Variants in ARMC3 observed in about 807,000 individuals in gnomAD.
The protein encoded by ARMC3 is armadillo repeat containing 3.
Under a neutral mutation model 90.3 loss-of-function variants are expected in ARMC3, and 74 were observed. That is an observed-to-expected ratio of 0.82 (90% confidence interval 0.68 to 0.99). The LOEUF (loss-of-function observed/expected upper bound fraction) is 0.99. Ranked by LOEUF, ARMC3 falls within the 50% of genes least tolerant of loss-of-function variation. ARMC3 has a pLI of 0.00. For missense variants in ARMC3, 958 were observed against 1,042.8 expected (o/e 0.92, Z 1.12); for synonymous variants, 334 against 361.8 (o/e 0.92, Z 0.87).
chr10:22,986,742 C>T (rs1180828402), intron 10 of ARMC3, among the ~76,000 whole-genome samples: 1 of 152,070 alleles, frequency 6.6e-6, no homozygotes, highest in Non-Finnish European at 1.5e-5. Context: ...TTTTATATAA[C>T]TTGGAAAACA....
At chr10:23,012,908 G>A (rs77342446) in intron 16 of ARMC3, among the ~76,000 whole-genome samples, 2 of 73,060 alleles carry the variant, frequency 2.7e-5, no homozygotes, top group Non-Finnish European at 5.1e-5. Context: ...TTTTTTTTTT[G>A]AGACAGAGTC....
chr10:22,999,696 G>A (rs183167903), intron 11 of ARMC3, among the ~76,000 whole-genome samples: 73 of 152,316 alleles, frequency 4.8e-4, no homozygotes, highest in Admixed American at 3.2e-3. Context: ...GGTAAGTGGC[G>A]AGTCAGGGAT....
At chr10:23,029,210 G>T (rs1473387126) in intron 16 of ARMC3, among the ~76,000 whole-genome samples, 2 of 152,140 alleles carry the variant, frequency 1.3e-5, no homozygotes, top group Non-Finnish European at 2.9e-5. Context: ...ATCTTCTTGA[G>T]CTTTCTCTGT....
At chr10:22,981,737 G>A (rs769630863) in intron 10 of ARMC3, 37 bp downstream of exon 10, 2 of 1,535,568 alleles carry the variant, frequency 1.3e-6, no homozygotes, top group Non-Finnish European at 1.8e-6. Context: ...CTGACTTGTG[G>A]GACAATTCAC....
intron 8 of ARMC3, among the ~76,000 whole-genome samples, chr10:22,969,750 A>C (rs1031925909): frequency 2.6e-5 from 4 of 152,212 alleles, no homozygotes; most frequent in African/African-American, 7.2e-5. Context: ...GAGAAGTAAA[A>C]TGGGGAGACA....
In ARMC3 at chr10:22,981,386, T is replaced by C; in HGVS notation, c.963T>C (p.Leu321=). ...ATGAACAAGAGGTTGAAAAGTGCCTTGTAGCCCTTTTGGGTTCTGAAAATG... is the reference window on the plus strand; with the variant it reads ...ATGAACAAGAGGTTGAAAAGTGCCTCGTAGCCCTTTTGGGTTCTGAAAATG... The part of the protein sequence containing the change: ...LFHEQEVEKC[L]VALLGSENDG... Residue 321 remains leucine (L), a synonymous_variant, in exon 9 of 19, where the codon CTT becomes CTC. Transcript: ENST00000298032. 1 of 1,613,836 alleles carries C rather than the reference T, an allele frequency of 6.2e-7. No individual in the cohort carries two copies. Among genetic ancestry groups the C allele is most frequent in the Non-Finnish European group, 8.5e-7 (1 of 1,179,896 alleles).
At chr10:22,955,194 G>T (rs1834880666) in intron 3 of ARMC3, 1 of 152,286 alleles carries the variant, frequency 6.6e-6, no homozygotes, top group Admixed American at 6.5e-5. Context: ...GAACACCCTT[G>T]CAGACACACC....
chr10:22,982,924 C>A (rs908811925), intron 10 of ARMC3, among the ~76,000 whole-genome samples: 8 of 152,114 alleles, frequency 5.3e-5, no homozygotes, highest in African/African-American at 1.9e-4. Context: ...ATCTAACTGC[C>A]TGATAAAAAC....
intron 2 of ARMC3, among the ~76,000 whole-genome samples, chr10:22,933,265 T>A (rs1053737224): frequency 6.6e-6 from 1 of 151,606 alleles, no homozygotes; most frequent in Non-Finnish European, 1.5e-5. Flanking sequence ...ATTCTCTTAT[T>A]TTTTTTTTCA....
At chr10:22,962,374 G>A (rs1044069898) in intron 7 of ARMC3, among the ~76,000 whole-genome samples, 15 of 151,942 alleles carry the variant, frequency 9.9e-5, no homozygotes, top group South Asian at 8.3e-4. Flanking sequence ...GTTTTCTCTG[G>A]GATAAAGCAG....
At chr10:22,985,029 C>T (rs1419281507) in intron 10 of ARMC3, among the ~76,000 whole-genome samples, 1 of 150,048 alleles carries the variant, frequency 6.7e-6, no homozygotes, top group African/African-American at 2.5e-5. Context: ...TGCACCATCC[C>T]ACCCAGTTAA....
In ARMC3 at chr10:23,037,700, C is replaced by G. The variant is rs1400919157; in HGVS notation, c.*221C>G. On this transcript the variant is annotated 3_prime_UTR_variant, in exon 19 of 19. Coordinates refer to ENST00000298032, the MANE Select transcript of ARMC3 (RefSeq NM_173081.5). ...CTGTCTTATTAGGTCATTTTCCGCTCACTGACCCTCACATAAAGCTGATTG... is the reference window on the plus strand; with the variant it reads ...CTGTCTTATTAGGTCATTTTCCGCTGACTGACCCTCACATAAAGCTGATTG... 8.7e-6 allele frequency: 4 copies of G among 461,028 alleles called. No individual in the cohort carries two copies. Among genetic ancestry groups the G allele is most frequent in the African/African-American group, 7.8e-5 (4 of 51,466 alleles). 28.6% of individuals were successfully genotyped at this position (461,028 alleles called of 1,614,324 possible). A position where few individuals can be genotyped will look rare whatever the true frequency, so the allele number is the denominator to read the frequency against.
chr10:22,964,744 C>T (rs528528814), intron 7 of ARMC3, among the ~76,000 whole-genome samples: 6 of 149,948 alleles, frequency 4.0e-5, no homozygotes, highest in South Asian at 2.1e-4. Context: ...CCCGGCCCCC[C>T]GTAGTGTTTT....
Position 23,037,870 on chromosome 10 carries a change from C to T in ARMC3, c.*391C>T, listed in dbSNP as rs982110108. 2 of 160,740 alleles carry T rather than the reference C, an allele frequency of 1.2e-5. No homozygotes were observed. The highest frequency in any genetic ancestry group is 4.8e-5 in the African/African-American group (2 of 41,814). The allele number at this position is 160,740 out of a possible 1,614,324, so 10.0% of individuals were successfully genotyped here. A position where few individuals can be genotyped will look rare whatever the true frequency, so the allele number is the denominator to read the frequency against. ...ATGCCCAGAATGCTTCAGGCATGCTCAGTTAAGCAAACTAAGTGAATTTTT... is the reference window on the plus strand; with the variant it reads ...ATGCCCAGAATGCTTCAGGCATGCTTAGTTAAGCAAACTAAGTGAATTTTT... On this transcript the variant is annotated 3_prime_UTR_variant, in exon 19 of 19. Coordinates refer to ENST00000298032, the MANE Select transcript of ARMC3 (RefSeq NM_173081.5).
intron 7 of ARMC3, among the ~76,000 whole-genome samples, chr10:22,966,389 C>G (rs1053947662): frequency 1.3e-5 from 2 of 152,234 alleles, no homozygotes; most frequent in Non-Finnish European, 1.5e-5. Context: ...GCACAGCTCC[C>G]TCTTCAAGGA....
chr10:22,930,104 A>G (rs1024834281), intron 1 of ARMC3, among the ~76,000 whole-genome samples: 3 of 152,166 alleles, frequency 2.0e-5, no homozygotes, highest in Non-Finnish European at 2.9e-5. Flanking sequence ...TCTGTCTTGG[A>G]ATTGGTTATA....
chr10:22,947,233 G>C (rs1403329978), intron 3 of ARMC3, among the ~76,000 whole-genome samples: 1 of 151,864 alleles, frequency 6.6e-6, no homozygotes, highest in Non-Finnish European at 1.5e-5. Flanking sequence ...TTGACCCTGG[G>C]AGGCAGAGGT....
chr10:23,023,800 A>G (rs1838604408), intron 16 of ARMC3, among the ~76,000 whole-genome samples: 1 of 152,138 alleles, frequency 6.6e-6, no homozygotes, highest in Non-Finnish European at 1.5e-5. Context: ...CTCAATCTAT[A>G]TAACCAAGAG....
chr10:22,968,525 G>T, intron 8 of ARMC3, 36 bp downstream of exon 8: 1 of 1,505,266 alleles, frequency 6.6e-7, no homozygotes, highest in Non-Finnish European at 8.9e-7. Flanking sequence ...TTTGAGATAG[G>T]ATCTTGCTCT....
Sources: allele counts gnomAD v4.1 joint callset (sites outside exome capture counted in the v4.1 genomes callset), GRCh38; gene constraint gnomAD v4.1.1; transcripts MANE v1.5; gene names NCBI Gene and HGNC (gene_info 2026-07-23, HGNC 2026-07-21).